The following SPATA13 variants were observed in gnomAD, a reference collection of about 807,000 sequenced individuals.
The protein encoded by SPATA13 is spermatogenesis-associated protein 13.
SPATA13 carries 50 observed loss-of-function variants against 104.0 expected under a neutral mutation model. The observed-to-expected ratio is 0.48, with a 90% CI of 0.38 to 0.61. The LOEUF (loss-of-function observed/expected upper bound fraction) is 0.61. SPATA13 is among the 20% of genes least tolerant of loss of function. The probability of loss-of-function intolerance (pLI) is 0.00; values close to 1 mark genes in which losing one functional copy is unlikely to be tolerated. For missense variants in SPATA13, 1,524 were observed against 1,690.6 expected (o/e 0.90, Z 1.73); for synonymous variants, 606 against 667.5 (o/e 0.91, Z 1.42).
At chr13:24,014,022 T>A (rs1876598019) in intron 2 of SPATA13, among the ~76,000 whole-genome samples, 1 of 152,178 alleles carries the variant, frequency 6.6e-6, no homozygotes, top group Non-Finnish European at 1.5e-5. Context: ...GCAAAGGGGC[T>A]GTATACGCTT....
chr13:24,278,638 A>G (rs1228161743), intron 4 of SPATA13: 1 of 1,482,594 alleles, frequency 6.7e-7, no homozygotes, highest in Non-Finnish European at 8.9e-7. Context: ...TCATCATTCC[A>G]CTTGAGGCTC....
chr13:24,127,899 C>A (rs1355899171), intron 3 of SPATA13, among the ~76,000 whole-genome samples: 1 of 152,238 alleles, frequency 6.6e-6, no homozygotes, highest in Non-Finnish European at 1.5e-5. Context: ...ATTGAGTTTG[C>A]ATCCAGGTAC....
At chr13:24,159,624 G>A (rs1170305200), upstream of SPATA13, among the ~76,000 whole-genome samples, 1 of 152,146 alleles carries the variant, frequency 6.6e-6, no homozygotes, top group African/African-American at 2.4e-5. Flanking sequence ...GGAGGCTCAC[G>A]CCGCATGCTG....
chr13:24,217,552 AGTG>A (rs1871324176), intron 1 of SPATA13, among the ~76,000 whole-genome samples: 1 of 152,242 alleles, frequency 6.6e-6, no homozygotes, highest in Non-Finnish European at 1.5e-5. Context: ...CAGAGAGGTT[AGTG>A]GAGAAGGCAG....
chr13:24,136,146 A>G (rs1314422569), intron 3 of SPATA13, among the ~76,000 whole-genome samples: 1 of 152,214 alleles, frequency 6.6e-6, no homozygotes, highest in Non-Finnish European at 1.5e-5. Flanking sequence ...TGAGTTTCTG[A>G]ATGGTCTTTC....
At position 24,222,853 on chromosome 13, in the gene SPATA13, G is replaced by C. The variant is rs779327723; in HGVS notation, c.-77G>C. The C allele has an allele frequency of 2.0e-6, 3 of 1,537,870 alleles. No homozygotes were observed. In the South Asian group the frequency reaches 3.6e-5, roughly 19 times the overall value. ...ACCCAGGAGCCCGATGTGCAAGGCA[G>C]GTGTGAGTGCCAGGACGGCATTCCT... On this transcript the variant is annotated 5_prime_UTR_variant, in exon 2 of 13. Transcript: ENST00000382108.
intron 4 of SPATA13, among the ~76,000 whole-genome samples, chr13:24,260,064 G>T (rs1408424469): frequency 6.6e-6 from 1 of 152,210 alleles, no homozygotes; most frequent in East Asian, 1.9e-4. Flanking sequence ...TTCTGAGGAA[G>T]CTAGAGAGTG....
intron 3 of SPATA13, among the ~76,000 whole-genome samples, chr13:24,109,170 C>G (rs765500937): frequency 1.3e-5 from 2 of 152,122 alleles, no homozygotes; most frequent in African/African-American, 2.4e-5. Flanking sequence ...CAAGTGTTCT[C>G]ATTGTTCAGT....
intron 3 of SPATA13, chr13:24,123,233 T>C: frequency 6.3e-7 from 1 of 1,598,462 alleles, no homozygotes; most frequent in East Asian, 2.2e-5. Flanking sequence ...TGATCAATAC[T>C]TGAAGGGCAA....
intron 1 of SPATA13, among the ~76,000 whole-genome samples, chr13:24,222,597 T>C (rs923863074): frequency 1.3e-5 from 2 of 152,250 alleles, no homozygotes; most frequent in African/African-American, 4.8e-5. Flanking sequence ...TTTACCTTCA[T>C]GTCCGTGGCA....
chr13:24,116,653 CAA>C (rs1347942373), intron 3 of SPATA13, among the ~76,000 whole-genome samples: 1 of 152,108 alleles, frequency 6.6e-6, no homozygotes. Flanking sequence ...CTCACAAATG[CAA>C]AGTCACTGAG....
intron 1 of SPATA13, among the ~76,000 whole-genome samples, chr13:24,203,903 T>C (rs1870557360): frequency 6.6e-6 from 1 of 152,174 alleles, no homozygotes; most frequent in Non-Finnish European, 1.5e-5. Context: ...CACTGTACTG[T>C]GTGTATATGC....
intron 3 of SPATA13, chr13:24,122,307 A>G: frequency 7.2e-7 from 1 of 1,393,760 alleles, no homozygotes; most frequent in South Asian, 1.2e-5. Flanking sequence ...AACTATTCAA[A>G]CTATCGATTT....
chr13:24,132,125 C>G (rs1489618106), intron 3 of SPATA13, among the ~76,000 whole-genome samples: 3 of 152,216 alleles, frequency 2.0e-5, no homozygotes, highest in African/African-American at 4.8e-5. Context: ...TCCCTTCTCC[C>G]TGGGCACAGA....
intron 2 of SPATA13, among the ~76,000 whole-genome samples, chr13:24,231,514 G>A (rs1872272875): frequency 6.6e-6 from 1 of 152,222 alleles, no homozygotes; most frequent in South Asian, 2.1e-4. Context: ...TGTTGATGGA[G>A]ATGGGTTGTT....
intron 1 of SPATA13, among the ~76,000 whole-genome samples, chr13:24,170,878 G>A (rs573224066): frequency 3.3e-5 from 5 of 152,088 alleles, no homozygotes; most frequent in South Asian, 2.1e-4. Flanking sequence ...TATATGATTC[G>A]TTGTTGGGAA....
In SPATA13 at chr13:24,296,691, C is replaced by A. The variant is rs1203254533; in HGVS notation, c.3211-672C>A. On this transcript the variant is annotated intron_variant, in intron 10 of 12. Coordinates refer to ENST00000382108, the MANE Select transcript of SPATA13 (RefSeq NM_001166271.3). Reference sequence around the variant, plus strand: ...TTGGAGGCTCCGTTTGGGTCAGCTGCTGTTTCAGATCTTGACTGGGTTCCA... The same window carrying A: ...TTGGAGGCTCCGTTTGGGTCAGCTGATGTTTCAGATCTTGACTGGGTTCCA... Among the ~76,000 whole-genome samples the A allele has an allele frequency of 2.0e-5, 3 of 152,148 alleles. No individual in the cohort carries two copies. The East Asian group carries it at 5.8e-4, about 29-fold the overall frequency.
chr13:24,112,814 T>C (rs1880690060), intron 3 of SPATA13, among the ~76,000 whole-genome samples: 1 of 152,200 alleles, frequency 6.6e-6, no homozygotes, highest in Non-Finnish European at 1.5e-5. Flanking sequence ...ATTTGGTCTT[T>C]GCTGTCATTG....
intron 2 of SPATA13, among the ~76,000 whole-genome samples, chr13:24,017,185 G>A: frequency 6.6e-6 from 1 of 152,232 alleles, no homozygotes; most frequent in South Asian, 2.1e-4. Flanking sequence ...CAAAATAACA[G>A]CATGCATTTA....
Sources: allele counts gnomAD v4.1 joint callset (sites outside exome capture counted in the v4.1 genomes callset), GRCh38; gene constraint gnomAD v4.1.1; transcripts MANE v1.5; gene names NCBI Gene and HGNC (gene_info 2026-07-23, HGNC 2026-07-21).